Variants in COMMD1 observed in about 807,000 individuals in gnomAD.
COMMD1 encodes the protein COMM domain-containing protein 1.
A neutral mutation model predicts 17.2 loss-of-function variants in COMMD1; 10 were observed. That is an observed-to-expected ratio of 0.58 (90% confidence interval 0.36 to 0.99). The LOEUF is 0.99. Ranked by LOEUF, COMMD1 falls within the 50% of genes least tolerant of loss-of-function variation. The pLI is 0.01. For synonymous variants in COMMD1, 97 were observed against 91.6 expected (o/e 1.06, Z -0.34); for missense variants, 270 against 231.8 (o/e 1.17, Z -1.07).
At chr2:62,044,515 G>GAAATTCTAAAATA (rs1211703546) in intron 2 of COMMD1, among the ~76,000 whole-genome samples, 1 of 152,156 alleles carries the variant, frequency 6.6e-6, no homozygotes, top group East Asian at 1.9e-4. Context: ...ATTTAGAATG[G>GAAATTCTAAAATA]TTGAAAATAG....
At chr2:62,101,444 A>ATGC (rs1232084127) in intron 2 of COMMD1, among the ~76,000 whole-genome samples, 23 of 152,170 alleles carry the variant, frequency 1.5e-4, no homozygotes, top group Non-Finnish European at 2.9e-4. Flanking sequence ...CCCCATCTCT[A>ATGC]CAAAAAATTT....
intron 1 of COMMD1, among the ~76,000 whole-genome samples, chr2:61,990,940 A>ACACACACACACACACACAC (rs1672236571): frequency 6.6e-6 from 1 of 150,774 alleles, no homozygotes; most frequent in African/African-American, 2.4e-5. Context: ...ACACACACAC[A>ACACACACACACACACACAC]TAATGCCAGG....
intron 1 of COMMD1, among the ~76,000 whole-genome samples, chr2:61,985,285 G>C (rs979267466): frequency 6.6e-6 from 1 of 151,876 alleles, no homozygotes; most frequent in African/African-American, 2.4e-5. Context: ...CTCCTGACCT[G>C]GTGATCCGCC....
chr2:62,048,059 C>T (rs571152097), intron 2 of COMMD1, among the ~76,000 whole-genome samples: 1 of 152,192 alleles, frequency 6.6e-6, no homozygotes, highest in African/African-American at 2.4e-5. Flanking sequence ...AGAATGTGTA[C>T]CTGCAAGTGA....
intron 2 of COMMD1, among the ~76,000 whole-genome samples, chr2:62,036,614 CTTTGT>C (rs924171001): frequency 6.6e-6 from 1 of 152,032 alleles, no homozygotes; most frequent in Non-Finnish European, 1.5e-5. Flanking sequence ...ATGTAAGGGG[CTTTGT>C]TTTGTTTTGT....
rs916465597 is a variant in COMMD1, at chr2:62,066,232, CT to C, written c.462+65259del. ...TGACCCACAGATACTCCCTACCCCA[CT>C]TTTTTTTTCCCCCACTACTGTGCTC... On this transcript the variant is annotated intron_variant, in intron 2 of 2. Coordinates refer to ENST00000311832, the MANE Select transcript of COMMD1 (RefSeq NM_152516.4). Among the ~76,000 whole-genome samples, 37 of 151,476 alleles carry C rather than the reference CT, an allele frequency of 2.4e-4. No homozygotes were observed. The South Asian group carries it at 3.3e-3, about 14-fold the overall frequency.
intron 2 of COMMD1, among the ~76,000 whole-genome samples, chr2:62,003,540 C>CA (rs559636343): frequency 1.1e-3 from 119 of 109,222 alleles, no homozygotes; most frequent in South Asian, 1.6e-3. Flanking sequence ...GACTCCGTCT[C>CA]AAAAAAAAAA....
chr2:62,083,744 G>T (rs984465023), intron 2 of COMMD1, among the ~76,000 whole-genome samples: 1 of 152,344 alleles, frequency 6.6e-6, no homozygotes, highest in African/African-American at 2.4e-5. Context: ...TGCCCAAGGG[G>T]CAGAAGGAGA....
At chr2:61,963,405 G>A (rs1671419724) in intron 1 of COMMD1, among the ~76,000 whole-genome samples, 1 of 152,006 alleles carries the variant, frequency 6.6e-6, no homozygotes, top group Admixed American at 6.6e-5. Context: ...TGTCCAGGCT[G>A]GAGTGCAATG....
At chr2:61,973,378 T>C (rs1311643467) in intron 1 of COMMD1, among the ~76,000 whole-genome samples, 1 of 152,176 alleles carries the variant, frequency 6.6e-6, no homozygotes, top group Non-Finnish European at 1.5e-5. Context: ...AACAACAGTA[T>C]TTGAGAGATG....
intron 2 of COMMD1, among the ~76,000 whole-genome samples, chr2:62,093,179 C>T (rs1671888292): frequency 6.6e-6 from 1 of 152,152 alleles, no homozygotes; most frequent in African/African-American, 2.4e-5. Context: ...AGAAAACATA[C>T]AAACTAAGAC....
chr2:62,109,919 C>CTTTTTTTTTTTTTTT (rs11345736), intron 2 of COMMD1, among the ~76,000 whole-genome samples: 2 of 73,854 alleles, frequency 2.7e-5, no homozygotes, highest in Admixed American at 1.7e-4. Context: ...TTATCTTGAT[C>CTTTTTTTTTTTTTTT]TTTTTTTTTT....
intron 2 of COMMD1, among the ~76,000 whole-genome samples, chr2:62,129,526 G>A (rs1672969063): frequency 6.6e-6 from 1 of 152,176 alleles, no homozygotes; most frequent in Non-Finnish European, 1.5e-5. Context: ...TAAAGGAGCA[G>A]TATCAATGAT....
rs200656144 is a variant in COMMD1, at chr2:62,000,697, A to G, written c.181-4A>G. 7.9e-5 allele frequency: 127 copies of G among 1,614,058 alleles called. No homozygotes were observed. The highest frequency in any genetic ancestry group is 6.5e-4 in the Admixed American group (39 of 60,004). On this transcript the variant is annotated splice_polypyrimidine_tract_variant and splice_region_variant and intron_variant, in intron 1 of 2. Transcript: ENST00000311832. Reference sequence around the variant, plus strand: ...ATTTTTTGCTTTTTCTGTCATCTTTATAGTCTATTGCGTCTGCAGACATGG... The same window carrying G: ...ATTTTTTGCTTTTTCTGTCATCTTTGTAGTCTATTGCGTCTGCAGACATGG...
chr2:62,126,460 C>T (rs1672890647), intron 2 of COMMD1, among the ~76,000 whole-genome samples: 1 of 152,148 alleles, frequency 6.6e-6, no homozygotes, highest in African/African-American at 2.4e-5. Flanking sequence ...TTAATAATTG[C>T]CATTCTGACT....
intron 2 of COMMD1, among the ~76,000 whole-genome samples, chr2:62,020,428 CT>C (rs1310199859): frequency 6.6e-6 from 1 of 151,816 alleles, no homozygotes; most frequent in Non-Finnish European, 1.5e-5. Context: ...GGAAAGTAGG[CT>C]TTTTTTTGCA....
intron 2 of COMMD1, among the ~76,000 whole-genome samples, chr2:62,051,951 A>G (rs1670548107): frequency 6.6e-6 from 1 of 152,206 alleles, no homozygotes; most frequent in South Asian, 2.1e-4. Context: ...GACATGCCAC[A>G]TTATATTGGA....
Position 62,043,334 on chromosome 2 carries a change from CCCTT to C in COMMD1, c.462+42358_462+42361del, listed in dbSNP as rs1435127460. On this transcript the variant is annotated intron_variant, in intron 2 of 2. Transcript: ENST00000311832. ...CTATTTCATATTTCTTTGTTAGCTG[CCCTT>C]CCTTCAGTTCTTTACATTTTTATTT... is the stretch of plus-strand genomic sequence containing the variant. 6.6e-5 allele frequency among the ~76,000 whole-genome samples: 10 copies of C among 152,320 alleles called. 3 individuals carry two copies. Among genetic ancestry groups the C allele is most frequent in the African/African-American group, 1.9e-4 (8 of 41,564 alleles).
At chr2:62,092,332 A>C (rs2104000473) in intron 2 of COMMD1, among the ~76,000 whole-genome samples, 1 of 152,318 alleles carries the variant, frequency 6.6e-6, no homozygotes, top group South Asian at 2.1e-4. Context: ...AGGGTTCATG[A>C]GGACTGGGCC....
Sources: allele counts gnomAD v4.1 joint callset (sites outside exome capture counted in the v4.1 genomes callset), GRCh38; gene constraint gnomAD v4.1.1; transcripts MANE v1.5; gene names NCBI Gene and HGNC (gene_info 2026-07-23, HGNC 2026-07-21).